SPNS3: variants seen among roughly 807,000 people sequenced by gnomAD.
SPNS3 encodes SPNS lysolipid transporter 3, sphingosine-1-phosphate (putative), also known as protein spinster homolog 3.
In SPNS3, 51 loss-of-function variants were observed where a neutral mutation model predicts 54.4. That is an observed-to-expected ratio of 0.94 (90% CI 0.75 to 1.18). The LOEUF (loss-of-function observed/expected upper bound fraction) is 1.18. SPNS3 is among the 50% of genes most tolerant of loss of function. The pLI is 0.00. For missense variants in SPNS3, 669 were observed against 677.4 expected, an observed-to-expected ratio of 0.99 and a Z score of 0.14; for synonymous variants, 309 against 294.7, an observed-to-expected ratio of 1.05 and a Z score of -0.50.
In SPNS3 at chr17:4,449,065, C is replaced by G. The variant is rs990488991; in HGVS notation, c.771-170C>G. On this transcript the variant is annotated intron_variant, in intron 6 of 11. Transcript: ENST00000355530. ...AACCTGAGTGTCTTCTTCTTCGGAGCCTCAGTTTGCCTATCTGTAAAGAGG... is the reference window on the plus strand; with the variant it reads ...AACCTGAGTGTCTTCTTCTTCGGAGGCTCAGTTTGCCTATCTGTAAAGAGG... Among the ~76,000 whole-genome samples the G allele has an allele frequency of 5.9e-5, 9 of 152,182 alleles. No individual in the cohort carries two copies. In the South Asian group the frequency reaches 1.0e-3, roughly 18 times the overall value.
intron 1 of SPNS3, among the ~76,000 whole-genome samples, chr17:4,435,719 C>T (rs946919099): frequency 2.6e-5 from 4 of 151,830 alleles, no homozygotes; most frequent in African/African-American, 9.7e-5. Context: ...AGGGCTCAAC[C>T]TGCTCTGTCT....
intron 11 of SPNS3, among the ~76,000 whole-genome samples, chr17:4,487,191 A>G (rs1450293086): frequency 1.4e-5 from 2 of 140,806 alleles, no homozygotes; most frequent in African/African-American, 2.7e-5. Context: ...AAAAAAAAAA[A>G]GGGACAGGTA....
Position 4,483,627 on chromosome 17 carries a change from C to T in SPNS3, c.1180-2601C>T, listed in dbSNP as rs548910145. 6.6e-6 allele frequency: 1 copy of T among 152,408 alleles called. No individual in the cohort carries two copies. Among genetic ancestry groups the T allele is most frequent in the Non-Finnish European group, 1.5e-5 (1 of 68,076 alleles). The allele number at this position is 152,408 out of a possible 1,614,324, so 9.4% of individuals were successfully genotyped here. A position where few individuals can be genotyped will look rare whatever the true frequency, so the allele number is the denominator to read the frequency against. On this transcript the variant is annotated intron_variant, in intron 9 of 11. Transcript: ENST00000355530. This position sits in a 1 kb window ranked among gnomAD's most constrained non-coding sequence, Gnocchi z 4.2. ...CCTCCAGGAAGCCTCACCTGCCTTC[C>T]CAGAGCCACCAGTGAGTAATCACAT...
intron 8 of SPNS3, among the ~76,000 whole-genome samples, chr17:4,477,191 C>T (rs1487545283): frequency 3.9e-5 from 6 of 152,246 alleles, no homozygotes; most frequent in South Asian, 2.1e-4. Flanking sequence ...CTCACCAGGA[C>T]GTGGCTTGAT....
At chr17:4,465,667 T>C (rs1971658240) in intron 8 of SPNS3, among the ~76,000 whole-genome samples, 1 of 151,882 alleles carries the variant, frequency 6.6e-6, no homozygotes, top group Non-Finnish European at 1.5e-5. Context: ...GCGGAGGTTA[T>C]AGGGAGGTGG....
chr17:4,445,320 T>TGA (rs1179135589), intron 3 of SPNS3, 152 bp downstream of exon 3: 1 of 801,878 alleles, frequency 1.2e-6, no homozygotes, highest in Non-Finnish European at 1.9e-6. Flanking sequence ...GGAGAGAAGG[T>TGA]GAGAGCACAG....
At chr17:4,472,808 G>C (rs1290520731) in intron 8 of SPNS3, among the ~76,000 whole-genome samples, 1 of 32,180 alleles carries the variant, frequency 3.1e-5, no homozygotes, top group African/African-American at 2.1e-4. Flanking sequence ...TTTTTTTTTT[G>C]AGGATTTTGC....
At chr17:4,434,931 T>C (rs958289119) in intron 1 of SPNS3, among the ~76,000 whole-genome samples, 1 of 151,594 alleles carries the variant, frequency 6.6e-6, no homozygotes, top group Admixed American at 6.6e-5. Flanking sequence ...GCCTCCCGAG[T>C]AGCTGGGACT....
chr17:4,436,520 A>G (rs1970722420), intron 1 of SPNS3, among the ~76,000 whole-genome samples: 1 of 107,886 alleles, frequency 9.3e-6, no homozygotes, highest in Non-Finnish European at 2.4e-5. Context: ...AAGCAGGAGG[A>G]TTGCTTGAGG....
intron 8 of SPNS3, among the ~76,000 whole-genome samples, chr17:4,476,382 G>A (rs1213290265): frequency 6.6e-6 from 1 of 152,202 alleles, no homozygotes; most frequent in Non-Finnish European, 1.5e-5. Flanking sequence ...CCAGCTGGAG[G>A]AAGGAAAGGG....
At chr17:4,471,242 A>G (rs944128762) in intron 8 of SPNS3, among the ~76,000 whole-genome samples, 2 of 151,708 alleles carry the variant, frequency 1.3e-5, no homozygotes, top group Non-Finnish European at 2.9e-5. Context: ...CTCTTTAAGC[A>G]TCATCCTTGT....
intron 8 of SPNS3, among the ~76,000 whole-genome samples, chr17:4,466,946 A>G (rs55932215): frequency 0.3 from 45,042 of 151,984 alleles, 7,257 homozygotes; most frequent in African/African-American, 0.42. Flanking sequence ...GGCAATGCAC[A>G]GGGCCAGGGG....
At chr17:4,476,187 G>A (rs905613041) in intron 8 of SPNS3, among the ~76,000 whole-genome samples, 8 of 152,232 alleles carry the variant, frequency 5.3e-5, no homozygotes, top group African/African-American at 1.7e-4. Flanking sequence ...TGGCCTCTCC[G>A]CAGCTGAGCC....
At chr17:4,477,588 G>T (rs566627310) in intron 8 of SPNS3, among the ~76,000 whole-genome samples, 1 of 152,332 alleles carries the variant, frequency 6.6e-6, no homozygotes, top group African/African-American at 2.4e-5. Context: ...GGCAGGGGGC[G>T]TGTTCTGGGC....
intron 8 of SPNS3, among the ~76,000 whole-genome samples, chr17:4,469,275 C>T (rs12946158): frequency 0.34 from 51,248 of 151,334 alleles, 11,363 homozygotes; most frequent in East Asian, 0.83. Flanking sequence ...TTTGTAGAGA[C>T]GGGGTTTCAC....
chr17:4,469,606 G>A (rs902816891), intron 8 of SPNS3, among the ~76,000 whole-genome samples: 55 of 132,078 alleles, frequency 4.2e-4, no homozygotes, highest in Non-Finnish European at 6.0e-4. Context: ...GCGACAGAGC[G>A]AGAGACTCCA....
Position 4,488,122 on chromosome 17 carries a change from C to G in SPNS3, c.*228C>G. Reference sequence around the variant, plus strand: ...TGCCTGCATCCCGCTCAAGGCTGCCCCAGCCTGGGGTCTCCAGCCTGGCTG... The same window carrying G: ...TGCCTGCATCCCGCTCAAGGCTGCCGCAGCCTGGGGTCTCCAGCCTGGCTG... On this transcript the variant is annotated 3_prime_UTR_variant, in exon 12 of 12. Coordinates refer to ENST00000355530, the MANE Select transcript of SPNS3 (RefSeq NM_182538.5). 1 of 569,140 alleles carries G rather than the reference C, an allele frequency of 1.8e-6. No individual in the cohort carries two copies. Among genetic ancestry groups the G allele is most frequent in the South Asian group, 2.1e-5 (1 of 47,184 alleles). 35.3% of individuals were successfully genotyped at this position (569,140 alleles called of 1,614,324 possible). A position where few individuals can be genotyped will look rare whatever the true frequency, so the allele number is the denominator to read the frequency against.
intron 8 of SPNS3, among the ~76,000 whole-genome samples, chr17:4,475,766 A>G (rs1971976338): frequency 6.6e-6 from 1 of 152,208 alleles, no homozygotes; most frequent in African/African-American, 2.4e-5. Flanking sequence ...CTGTAGGAGC[A>G]GCTTCGAACA....
chr17:4,444,912 G>T, intron 2 of SPNS3, 120 bp from the exon 3 acceptor site: 1 of 1,189,360 alleles, frequency 8.4e-7, no homozygotes, highest in Non-Finnish European at 1.2e-6. Context: ...CATACCCTGG[G>T]CCCACTGCCA....
Sources: allele counts gnomAD v4.1 joint callset (sites outside exome capture counted in the v4.1 genomes callset), GRCh38; gene constraint gnomAD v4.1.1; non-coding constraint Gnocchi (gnomAD v3.1); transcripts MANE v1.5; gene names NCBI Gene and HGNC (gene_info 2026-07-23, HGNC 2026-07-21).